Variants in TRMT11 observed in about 807,000 individuals in gnomAD.
TRMT11 encodes the protein tRNA (guanine(10)-N(2))-methyltransferase TRMT11.
TRMT11 carries 53 observed loss-of-function variants against 62.8 expected under a neutral mutation model. That is an observed-to-expected ratio of 0.84 (90% CI 0.68 to 1.06). The LOEUF (loss-of-function observed/expected upper bound fraction) is 1.06. TRMT11 is among the 50% of genes least tolerant of loss of function. The probability of loss-of-function intolerance (pLI) is 0.00; values close to 1 mark genes in which losing one functional copy is unlikely to be tolerated. For missense variants in TRMT11, 556 were observed against 553.4 expected, an observed-to-expected ratio of 1.00 and a Z score of -0.05; for synonymous variants, 188 against 190.3, an observed-to-expected ratio of 0.99 and a Z score of 0.10.
At chr6:126,084,276 C>A (rs1239865204) in intron 17 of TRMT11, among the ~76,000 whole-genome samples, 1 of 152,046 alleles carries the variant, frequency 6.6e-6, no homozygotes, top group Admixed American at 6.6e-5. Context: ...CCGTTTGATA[C>A]CAGCCATCAT....
At chr6:126,128,869 A>C (rs916572798) in intron 21 of TRMT11, among the ~76,000 whole-genome samples, 1 of 151,910 alleles carries the variant, frequency 6.6e-6, no homozygotes, top group Admixed American at 6.6e-5. Context: ...AACACGTAGG[A>C]GCACAGCAGA....
At chr6:126,233,982 T>C in the TRMT11 span, among the ~76,000 whole-genome samples, 1 of 152,164 alleles carries the variant, frequency 6.6e-6, no homozygotes, top group South Asian at 2.1e-4. Context: ...CTATTCTTTG[T>C]CATTTTGCCT....
chr6:126,269,475 ATCTT>A, the TRMT11 span, among the ~76,000 whole-genome samples: 6 of 152,190 alleles, frequency 3.9e-5, no homozygotes, highest in Non-Finnish European at 8.8e-5. Context: ...AGGGGGTTAA[ATCTT>A]TATATCAGAT....
the TRMT11 span, among the ~76,000 whole-genome samples, chr6:126,220,845 A>G: frequency 6.6e-6 from 1 of 151,812 alleles, no homozygotes; most frequent in African/African-American, 2.4e-5. Context: ...TGGGGTACAG[A>G]TTATTTCATT....
chr6:126,211,496 A>T, the TRMT11 span, among the ~76,000 whole-genome samples: 1,697 of 152,090 alleles, frequency 0.011, 29 homozygotes, highest in African/African-American at 0.037. Context: ...GGCTGGTTAA[A>T]CTCTGCATCT....
chr6:125,989,835 C>G (rs1475709828), intron 1 of TRMT11, among the ~76,000 whole-genome samples: 3 of 152,178 alleles, frequency 2.0e-5, no homozygotes, highest in South Asian at 4.1e-4. Context: ...CACTTCCCAC[C>G]TAGTCCTTAG....
At chr6:126,120,580 T>C (rs1244216952) in intron 21 of TRMT11, among the ~76,000 whole-genome samples, 1 of 152,172 alleles carries the variant, frequency 6.6e-6, no homozygotes, top group Admixed American at 6.6e-5. Context: ...AGACTTTCTC[T>C]CATATATGAG....
At chr6:126,151,392 T>A (rs903931795) in intron 21 of TRMT11, among the ~76,000 whole-genome samples, 1 of 152,222 alleles carries the variant, frequency 6.6e-6, no homozygotes, top group African/African-American at 2.4e-5. Flanking sequence ...CAATATTTTT[T>A]AAGAGTTTCC....
intron 17 of TRMT11, among the ~76,000 whole-genome samples, chr6:126,093,594 TATATATATATATATATATATATATATA>T (rs1777300323): frequency 1.8e-5 from 1 of 56,912 alleles, no homozygotes; most frequent in African/African-American, 1.6e-4. Context: ...TGTATATATA[TATATATATATATATATATATATATATA>T]TATATATATA....
rs115127236 is a variant in TRMT11 at position 126,103,852 on chromosome 6, C to T, written c.*1438-9014C>T. The stretch of plus-strand genomic sequence containing the variant: ...TCATAATGAGAGTGACTTCCTATCT[C>T]CTTTGCTATATTCTGTTGATTGGAA... On this transcript the variant is annotated intron_variant and NMD_transcript_variant, in intron 17 of 22. Coordinates refer to the TRMT11 transcript ENST00000648977. Among the ~76,000 whole-genome samples the T allele has an allele frequency of 7.1e-3, 1,076 of 152,204 alleles. 12 individuals carry two copies. Among genetic ancestry groups the T allele is most frequent in the African/African-American group, 0.025 (1,041 of 41,506 alleles).
At chr6:126,220,546 G>A in the TRMT11 span, among the ~76,000 whole-genome samples, 186 of 152,216 alleles carry the variant, frequency 1.2e-3, no homozygotes, top group Non-Finnish European at 2.2e-3. Context: ...AGAGTTTCAC[G>A]CTCTGAAGAT....
upstream of TRMT11, among the ~76,000 whole-genome samples, chr6:126,174,108 T>A (rs1281540742): frequency 6.6e-6 from 1 of 152,182 alleles, no homozygotes; most frequent in African/African-American, 2.4e-5. Context: ...ACATGTTCCT[T>A]CCTCACCTTT....
chr6:126,088,082 G>A (rs1777234577), intron 17 of TRMT11, among the ~76,000 whole-genome samples: 2 of 151,706 alleles, frequency 1.3e-5, no homozygotes, highest in African/African-American at 2.4e-5. Flanking sequence ...AGCACAATGT[G>A]CAATATTAGT....
At chr6:126,096,039 T>A (rs1777336082) in intron 17 of TRMT11, among the ~76,000 whole-genome samples, 1 of 151,940 alleles carries the variant, frequency 6.6e-6, no homozygotes, top group Non-Finnish European at 1.5e-5. Context: ...CAGGCCAAGG[T>A]TTTTGGGTTT....
At chr6:126,194,627 T>C (rs1778643589) in intron 1 of TRMT11, among the ~76,000 whole-genome samples, 1 of 152,236 alleles carries the variant, frequency 6.6e-6, no homozygotes, top group Admixed American at 6.5e-5. Context: ...TAGTTCCAAA[T>C]ATCGGTGGGG....
At chr6:126,005,706 G>A (rs1340579228) in intron 7 of TRMT11, among the ~76,000 whole-genome samples, 1 of 151,954 alleles carries the variant, frequency 6.6e-6, no homozygotes, top group Admixed American at 6.6e-5. Flanking sequence ...CTGTTGGCAG[G>A]TTATAGCAGC....
the TRMT11 span, among the ~76,000 whole-genome samples, chr6:126,218,527 G>T: frequency 6.6e-6 from 1 of 152,206 alleles, no homozygotes; most frequent in Non-Finnish European, 1.5e-5. Context: ...CCATGAGCTA[G>T]GGCCTGGAAT....
chr6:125,999,044 A>G (rs1792063316), intron 6 of TRMT11, among the ~76,000 whole-genome samples: 1 of 151,980 alleles, frequency 6.6e-6, no homozygotes, highest in Admixed American at 6.6e-5. Flanking sequence ...GAGATTCCCA[A>G]TCTGGGCCTT....
chr6:126,153,583 A>AGG, intron 21 of TRMT11, among the ~76,000 whole-genome samples: 4 of 152,372 alleles, frequency 2.6e-5, no homozygotes, highest in Admixed American at 2.6e-4. Flanking sequence ...CATTCTTTAA[A>AGG]AAATTCTGCC....
Sources: gnomAD v4.1 joint callset for allele counts (sites outside exome capture counted in the v4.1 genomes callset) on GRCh38, gnomAD v4.1.1 for gene constraint, MANE v1.5 for transcripts, NCBI Gene and HGNC (gene_info 2026-07-23, HGNC 2026-07-21) for gene names.